SGSM2: variants seen among roughly 807,000 people sequenced by gnomAD.
The protein encoded by SGSM2 is small G protein signaling modulator 2.
Under a neutral mutation model 126.6 loss-of-function variants are expected in SGSM2, and 89 were observed. The observed-to-expected ratio is 0.70, with a 90% CI of 0.59 to 0.84. SGSM2 has a LOEUF of 0.84. Among genes scored for constraint, SGSM2 ranks in the 40% least tolerant of loss-of-function variants. The probability of loss-of-function intolerance (pLI) is 0.00; values close to 1 mark genes in which losing one functional copy is unlikely to be tolerated. For missense variants in SGSM2, 1,404 were observed against 1,416.6 expected (o/e 0.99, Z 0.14); for synonymous variants, 614 against 574.3 (o/e 1.07, Z -0.99).
intron 1 of SGSM2, among the ~76,000 whole-genome samples, chr17:2,339,204 G>A (rs2151458580): frequency 6.6e-6 from 1 of 152,118 alleles, no homozygotes; most frequent in South Asian, 2.1e-4. Flanking sequence ...GAGGCGGGTA[G>A]ATCACGAGGT....
rs139561768 is a variant in SGSM2 at position 2,363,099 on chromosome 17, C to T, written c.637C>T (p.Arg213Cys). 61 of 1,611,704 alleles carry T rather than the reference C, an allele frequency of 3.8e-5. No individual in the cohort carries two copies. The highest frequency in any genetic ancestry group is 4.8e-5 in the Non-Finnish European group (57 of 1,179,370). The part of the protein sequence containing the change: ...QRHRIRGPPT[R>C]QDSPAKRPAL... Reference sequence around the variant, plus strand: ...GCACCGCATCCGGGGTCCACCTACTCGCCAGGACTCCCCTGCAAAGCGCCC... The same window carrying T: ...GCACCGCATCCGGGGTCCACCTACTTGCCAGGACTCCCCTGCAAAGCGCCC... Residue 213 changes from arginine to cysteine, a missense_variant, in exon 6 of 24, where the codon CGC becomes TGC. Transcript: ENST00000268989. This position sits in a 1 kb window ranked among gnomAD's most constrained non-coding sequence, Gnocchi z 4.2.
Position 2,377,097 on chromosome 17 carries a change from G to A in SGSM2, c.2802+29G>A, listed in dbSNP as rs775372606. On this transcript the variant is annotated intron_variant, in intron 21 of 23. Coordinates refer to ENST00000268989, the MANE Select transcript of SGSM2 (RefSeq NM_014853.3). The stretch of plus-strand genomic sequence containing the variant: ...AGGCCGGTTGCCACCCATGGGCATG[G>A]GAGCAGGCAGTGCTGGGCTGGTCCA... The A allele has an allele frequency of 2.7e-6, 4 of 1,459,822 alleles. No homozygotes were observed. The Admixed American group carries it at 5.1e-5, about 19-fold the overall frequency. 90.4% of individuals were successfully genotyped at this position (1,459,822 alleles called of 1,614,324 possible).
intron 2 of SGSM2, among the ~76,000 whole-genome samples, chr17:2,344,298 A>G (rs2064499304): frequency 6.6e-6 from 1 of 152,168 alleles, no homozygotes; most frequent in Non-Finnish European, 1.5e-5. Flanking sequence ...GAGCAAGCCT[A>G]TCCCTACGCA....
In SGSM2 at chr17:2,379,983, C is replaced by T. The variant is rs2066344665; in HGVS notation, c.*463C>T. 3 of 1,378,926 alleles carry T rather than the reference C, an allele frequency of 2.2e-6. No homozygotes were observed. The South Asian group carries it at 5.0e-5, about 23-fold the overall frequency. 85.4% of individuals were successfully genotyped at this position (1,378,926 alleles called of 1,614,324 possible). A position where few individuals can be genotyped will look rare whatever the true frequency, so the allele number is the denominator to read the frequency against. On this transcript the variant is annotated 3_prime_UTR_variant, in exon 24 of 24. Transcript: ENST00000268989. Reference sequence around the variant, plus strand: ...GCAGTCCCAGTATATTGTGCGTGCACCAGCCCCAGCTGGAGCAACCAAAAC... The same window carrying T: ...GCAGTCCCAGTATATTGTGCGTGCATCAGCCCCAGCTGGAGCAACCAAAAC...
chr17:2,354,761 C>T (rs182991518), intron 2 of SGSM2, among the ~76,000 whole-genome samples: 5 of 152,390 alleles, frequency 3.3e-5, no homozygotes, highest in African/African-American at 1.2e-4. Context: ...CTCCCCACGT[C>T]CCTTCCATCT....
In SGSM2 at chr17:2,372,849, C is replaced by G. The variant is rs1318311707; in HGVS notation, c.1789-104C>G. ...CAGGCCTTGCCTGGGCTTCAGCAGT[C>G]ACTACAGGCCCCGCCCCAGCCCATT... On this transcript the variant is annotated intron_variant, in intron 15 of 23. Transcript: ENST00000268989. The surrounding 1 kb of genome is among the most constrained non-coding windows in gnomAD (Gnocchi z 6.0). 8 of 1,441,136 alleles carry G rather than the reference C, an allele frequency of 5.6e-6. No individual in the cohort carries two copies. Among genetic ancestry groups the G allele is most frequent in the Non-Finnish European group, 7.4e-6 (8 of 1,080,682 alleles). 89.3% of individuals were successfully genotyped at this position (1,441,136 alleles called of 1,614,324 possible).
rs201869831 is a variant in SGSM2, at chr17:2,361,672, C to T, written c.169C>T (p.Arg57Cys). 2.0e-4 allele frequency: 318 copies of T among 1,613,970 alleles called. No homozygotes were observed. The highest frequency in any genetic ancestry group is 3.2e-4 in the Admixed American group (19 of 60,024). The change falls in exon 3 of 24, where the codon CGC becomes TGC. Residue 57 changes from arginine to cysteine, a missense_variant. Physicochemically the swap from Arg to Cys is radical, Grantham distance 180. Coordinates refer to ENST00000268989, the MANE Select transcript of SGSM2 (RefSeq NM_014853.3). ...VEACLLHQLR[R>C]RAAGFLRSDK... is the part of the protein sequence containing the mutation. ...GGCTTGCCTCTTGCATCAGCTGAGA[C>T]GCCGTGCCGCTGGCTTCCTGCGCAG...
intron 2 of SGSM2, among the ~76,000 whole-genome samples, chr17:2,349,015 C>T (rs1246795873): frequency 1.3e-5 from 2 of 151,816 alleles, no homozygotes; most frequent in African/African-American, 2.4e-5. Flanking sequence ...CTACCCGCCT[C>T]GGCCTCCCAA....
rs148238886 is a variant in SGSM2, at chr17:2,379,449, G to A, written c.3085G>A (p.Asp1029Asn). 7.4e-5 allele frequency: 119 copies of A among 1,613,084 alleles called. No individual in the cohort carries two copies. The highest frequency in any genetic ancestry group is 9.5e-5 in the Non-Finnish European group (112 of 1,179,404). Residue 1029 changes from aspartate (D) to asparagine (N), a missense_variant, in exon 24 of 24, where the codon GAT (aspartate) becomes AAT (asparagine). Coordinates refer to ENST00000268989, the MANE Select transcript of SGSM2 (RefSeq NM_014853.3). ...CCCCCCAGAACGTGCTGAGCATCAC[G>A]ATGCCCAGGAGATCCTGCGGATTGC... ...KFFNERAEHH[D>N]AQEILRIARD...
intron 1 of SGSM2, among the ~76,000 whole-genome samples, chr17:2,340,801 GTC>G (rs1466606447): frequency 6.6e-6 from 1 of 151,928 alleles, no homozygotes; most frequent in Non-Finnish European, 1.5e-5. Context: ...AGCCAGGATG[GTC>G]TCGATCTCCT....
chr17:2,375,157 A>T lies in SGSM2; in HGVS notation c.2101-335A>T, dbSNP rs143681031. On this transcript the variant is annotated intron_variant, in intron 17 of 23. Coordinates refer to ENST00000268989, the MANE Select transcript of SGSM2 (RefSeq NM_014853.3). ...GCCATTCTCCCGGTCTCATGACTTC[A>T]GGCGTTTCTAGAATGAGACTGAGTT... 6.6e-4 allele frequency: 155 copies of T among 234,798 alleles called. 1 individual carries two copies. The highest frequency in any genetic ancestry group is 3.2e-3 in the African/African-American group (143 of 44,322). The allele number at this position is 234,798 out of a possible 1,614,324, so 14.5% of individuals were successfully genotyped here. A position where few individuals can be genotyped will look rare whatever the true frequency, so the allele number is the denominator to read the frequency against.
In SGSM2 at chr17:2,362,001, C is replaced by A; in HGVS notation, c.297-108C>A. On this transcript the variant is annotated intron_variant, in intron 3 of 23. Coordinates refer to ENST00000268989, the MANE Select transcript of SGSM2 (RefSeq NM_014853.3). The surrounding 1 kb of genome is among the most constrained non-coding windows in gnomAD (Gnocchi z 4.9). Reference sequence around the variant, plus strand: ...CCCTCCTTCACCTCCCAACCCCAGTCAGTTCTCTGTGCTCCCATCTTGGGG... The same window carrying A: ...CCCTCCTTCACCTCCCAACCCCAGTAAGTTCTCTGTGCTCCCATCTTGGGG... 7.1e-7 allele frequency: 1 copy of A among 1,416,460 alleles called. No homozygotes were observed. Among genetic ancestry groups the A allele is most frequent in the Non-Finnish European group, 9.5e-7 (1 of 1,049,354 alleles). 87.7% of individuals were successfully genotyped at this position (1,416,460 alleles called of 1,614,324 possible).
chr17:2,364,566 C>T lies in SGSM2; in HGVS notation c.933-30C>T, dbSNP rs575300927. Reference sequence around the variant, plus strand: ...GAAGGAAGGATGGCAGGTCTTTGGACACAGTGACAGCAGTCTGGTTCCTTT... The same window carrying T: ...GAAGGAAGGATGGCAGGTCTTTGGATACAGTGACAGCAGTCTGGTTCCTTT... On this transcript the variant is annotated intron_variant, in intron 8 of 23. Transcript: ENST00000268989. 10 of 1,611,818 alleles carry T rather than the reference C, an allele frequency of 6.2e-6. No individual in the cohort carries two copies. In the African/African-American group the frequency reaches 9.3e-5, roughly 15 times the overall value.
intron 2 of SGSM2, 137 bp from the exon 3 acceptor site, chr17:2,361,500 G>A (rs2447102): frequency 0.71 from 756,588 of 1,061,458 alleles, 271,085 homozygotes; most frequent in Admixed American, 0.76. Context: ...AATTTTGGAA[G>A]GAAGCCAGGG....
chr17:2,365,161 C>A, intron 10 of SGSM2, 54 bp from the exon 11 acceptor site: 1 of 1,589,494 alleles, frequency 6.3e-7, no homozygotes, highest in South Asian at 1.1e-5. Flanking sequence ...TTGTGTGGAA[C>A]CCTGGATGAG....
chr17:2,362,830 C>T lies in SGSM2; in HGVS notation c.459-8C>T, dbSNP rs200791584. 18 of 1,613,792 alleles carry T rather than the reference C, an allele frequency of 1.1e-5. No homozygotes were observed. The highest frequency in any genetic ancestry group is 1.5e-5 in the Non-Finnish European group (18 of 1,180,000). On this transcript the variant is annotated splice_polypyrimidine_tract_variant and splice_region_variant and intron_variant, in intron 4 of 23. Coordinates refer to ENST00000268989, the MANE Select transcript of SGSM2 (RefSeq NM_014853.3). This position sits in a 1 kb window ranked among gnomAD's most constrained non-coding sequence, Gnocchi z 4.9. ...GCCTCGGCAGTCACACTGTCTGTCT[C>T]CTGGCAGCAAGTACTACGAGAAGGA...
At chr17:2,358,093 A>G (rs1331655176) in intron 2 of SGSM2, among the ~76,000 whole-genome samples, 2 of 152,080 alleles carry the variant, frequency 1.3e-5, no homozygotes, top group Non-Finnish European at 2.9e-5. Flanking sequence ...ATCTCCTGCC[A>G]CCACCCTCCA....
At position 2,376,739 on chromosome 17, in the gene SGSM2, G is replaced by A; in HGVS notation, c.2616G>A (p.Val872=). The change falls in exon 20 of 24, where the codon GTG becomes GTA. Residue 872 remains valine (V), a synonymous_variant. Transcript: ENST00000268989. The part of the protein sequence containing the change: ...ERLRDVMCSY[V]WEHLDVGYVQ... ...CTCTCCCCCTGCCTTTCAGCTACGTGTGGGAGCACCTGGACGTGGGCTATG... is the reference window on the plus strand; with the variant it reads ...CTCTCCCCCTGCCTTTCAGCTACGTATGGGAGCACCTGGACGTGGGCTATG... The A allele has an allele frequency of 1.9e-6, 3 of 1,614,018 alleles. No homozygotes were observed. The highest frequency in any genetic ancestry group is 2.2e-5 in the South Asian group (2 of 91,090).
At position 2,371,274 on chromosome 17, in the gene SGSM2, T is replaced by C; in HGVS notation, c.1436T>C (p.Met479Thr). The change falls in exon 13 of 24, where the codon ATG becomes ACG. Residue 479 changes from methionine to threonine, a missense_variant. Transcript: ENST00000268989. ...APNPMKDAGD[M>T]IEMQGFGPSL... ...TTCCTGCCCGCAGACGCTGGTGACA[T>C]GATCGAGATGCAGGGCTTTGGGCCC... 6.2e-7 allele frequency: 1 copy of C among 1,611,878 alleles called. No homozygotes were observed. Among genetic ancestry groups the C allele is most frequent in the Non-Finnish European group, 8.5e-7 (1 of 1,179,816 alleles).
Sources: gnomAD v4.1 joint callset for allele counts (sites outside exome capture counted in the v4.1 genomes callset) on GRCh38, gnomAD v4.1.1 for gene constraint, Gnocchi (gnomAD v3.1) non-coding constraint, MANE v1.5 for transcripts, NCBI Gene and HGNC (gene_info 2026-07-23, HGNC 2026-07-21) for gene names.